The following DTNA variants were observed in gnomAD, a reference collection of about 807,000 sequenced individuals.
The protein encoded by DTNA is dystrophin-related protein 3.
A neutral mutation model predicts 100.7 loss-of-function variants in DTNA; 43 were observed. That is an observed-to-expected ratio of 0.43 (90% CI 0.33 to 0.55). The LOEUF (loss-of-function observed/expected upper bound fraction) is 0.55, where lower values mean the gene tolerates loss of function less well. DTNA is among the 20% of genes least tolerant of loss of function. The pLI is 0.04. For missense variants in DTNA, 798 were observed against 953.9 expected (o/e 0.84, Z 2.15); for synonymous variants, 349 against 347.9 (o/e 1.00, Z -0.04).
chr18:34,742,522 C>T (rs772169057), intron 1 of DTNA, among the ~76,000 whole-genome samples: 1 of 151,656 alleles, frequency 6.6e-6, no homozygotes, highest in Non-Finnish European at 1.5e-5. Flanking sequence ...TCAGGTTAAT[C>T]TCTCCATTTC....
chr18:34,682,081 C>G (rs61450494), intron 1 of DTNA, among the ~76,000 whole-genome samples: 5,137 of 152,172 alleles, frequency 0.034, 269 homozygotes, highest in African/African-American at 0.11. Flanking sequence ...GCCTCTTTCA[C>G]TCAGTAATAT....
chr18:34,816,304 A>G (rs1335527404), intron 7 of DTNA, among the ~76,000 whole-genome samples: 1 of 152,214 alleles, frequency 6.6e-6, no homozygotes, highest in Admixed American at 6.5e-5. Context: ...AAGGAGTGTG[A>G]CATTATTTTG....
At chr18:34,617,052 G>C (rs1170497629) in intron 1 of DTNA, among the ~76,000 whole-genome samples, 3 of 152,038 alleles carry the variant, frequency 2.0e-5, no homozygotes, top group Non-Finnish European at 4.4e-5. Context: ...CTAAGTATAG[G>C]ATCATATCTG....
intron 1 of DTNA, among the ~76,000 whole-genome samples, chr18:34,646,948 T>C (rs1483435876): frequency 1.3e-5 from 2 of 152,116 alleles, no homozygotes; most frequent in African/African-American, 4.8e-5. Flanking sequence ...TCTCTTGACC[T>C]CGTGATCCAC....
chr18:34,771,360 G>A (rs1162641827), intron 3 of DTNA, among the ~76,000 whole-genome samples: 12 of 152,032 alleles, frequency 7.9e-5, no homozygotes, highest in South Asian at 6.2e-4. Flanking sequence ...TTAGCGGGGC[G>A]TGGTGGCGGG....
intron 1 of DTNA, among the ~76,000 whole-genome samples, chr18:34,747,686 G>A (rs1266131356): frequency 6.6e-6 from 1 of 152,052 alleles, no homozygotes; most frequent in African/African-American, 2.4e-5. Flanking sequence ...TTTTTTTATG[G>A]CCAAGTAGTA....
chr18:34,657,312 G>A (rs1468047829), intron 1 of DTNA, among the ~76,000 whole-genome samples: 5 of 152,174 alleles, frequency 3.3e-5, no homozygotes, highest in Non-Finnish European at 7.4e-5. Flanking sequence ...TTGCTTTTGT[G>A]TATTTCCCAA....
At chr18:34,867,631 G>C (rs2096720212) in intron 17 of DTNA, 1 of 997,938 alleles carries the variant, frequency 1.0e-6, no homozygotes, top group Non-Finnish European at 1.2e-6. Context: ...AGCAGAGAGA[G>C]AGGGCAATCA....
intron 17 of DTNA, chr18:34,866,104 T>C: frequency 6.2e-7 from 1 of 1,614,122 alleles, no homozygotes. Context: ...ATTCAATCTT[T>C]CTGTAGGAAG....
At chr18:34,590,419 A>G (rs1320228362) in intron 1 of DTNA, among the ~76,000 whole-genome samples, 1 of 152,252 alleles carries the variant, frequency 6.6e-6, no homozygotes, top group Admixed American at 6.5e-5. Context: ...TAAAACTATC[A>G]CCATGAGAAT....
chr18:34,783,368 A>C (rs1445354616), intron 3 of DTNA, among the ~76,000 whole-genome samples: 1 of 152,220 alleles, frequency 6.6e-6, no homozygotes, highest in Non-Finnish European at 1.5e-5. Context: ...GATTGGCATG[A>C]TATTCAATTT....
intron 1 of DTNA, among the ~76,000 whole-genome samples, chr18:34,700,988 A>G (rs1026595689): frequency 1.3e-5 from 2 of 151,884 alleles, no homozygotes; most frequent in African/African-American, 4.8e-5. Flanking sequence ...TCTGTATCCT[A>G]TCTCCTTTCA....
intron 1 of DTNA, among the ~76,000 whole-genome samples, chr18:34,594,103 G>C (rs2050090341): frequency 6.6e-6 from 1 of 151,690 alleles, no homozygotes; most frequent in Admixed American, 6.6e-5. Context: ...TTATTTTTTA[G>C]TGTTATCTCA....
At chr18:34,857,713 A>G (rs74765882) in intron 15 of DTNA, among the ~76,000 whole-genome samples, 1 of 150,172 alleles carries the variant, frequency 6.7e-6, no homozygotes, top group South Asian at 2.1e-4. Flanking sequence ...GAGATTTAAG[A>G]AAAAAAAAAG....
intron 3 of DTNA, among the ~76,000 whole-genome samples, chr18:34,769,753 C>CTTTTTTGTTTTTTTT (rs1568462894): frequency 3.0e-5 from 1 of 33,170 alleles, no homozygotes; most frequent in Non-Finnish European, 8.1e-5. Flanking sequence ...CAGAGTTTCA[C>CTTTTTTGTTTTTTTT]TCTTTTTTCC....
At chr18:34,832,075 T>C (rs753239859) in intron 11 of DTNA, among the ~76,000 whole-genome samples, 13 of 152,358 alleles carry the variant, frequency 8.5e-5, no homozygotes, top group Non-Finnish European at 1.9e-4. Context: ...GATTTGATCA[T>C]CAAAAGTAGC....
Position 34,681,731 on chromosome 18 carries a change from C to CACACA in DTNA, c.-1-74245_-1-74244insACACA, listed in dbSNP as rs1491407771. Among the ~76,000 whole-genome samples, 1,104 of 148,100 alleles carry CACACA rather than the reference C, an allele frequency of 7.5e-3. 13 individuals are homozygous for CACACA. The highest frequency in any genetic ancestry group is 0.027 in the African/African-American group (1,067 of 39,412). ...ACACACACACACACACACACACACA[C>CACACA]CCCACACACACACACCCTATGGACA... is the stretch of plus-strand genomic sequence containing the variant. On this transcript the variant is annotated intron_variant, in intron 1 of 19. Coordinates refer to the DTNA transcript ENST00000283365.
chr18:34,604,359 G>A lies in DTNA; in HGVS notation c.-2+110845G>A, dbSNP rs182708452. ...AGAAATTATTCAGTCAAAACTGTGG[G>A]TAGCATAAATTCTTAGCACACATTT... On this transcript the variant is annotated intron_variant, in intron 1 of 19. Coordinates refer to the DTNA transcript ENST00000283365. Among the ~76,000 whole-genome samples, 3 of 152,166 alleles carry A rather than the reference G, an allele frequency of 2.0e-5. No homozygotes were observed. In the East Asian group the frequency reaches 5.8e-4, roughly 29 times the overall value.
intron 1 of DTNA, among the ~76,000 whole-genome samples, chr18:34,732,373 A>G (rs2088494126): frequency 6.6e-6 from 1 of 152,194 alleles, no homozygotes; most frequent in African/African-American, 2.4e-5. Context: ...CAGCAGAGTC[A>G]CCTGTATATG....
Sources: allele counts gnomAD v4.1 joint callset (sites outside exome capture counted in the v4.1 genomes callset), GRCh38; gene constraint gnomAD v4.1.1; transcripts MANE v1.5; gene names NCBI Gene and HGNC (gene_info 2026-07-23, HGNC 2026-07-21).